HOOK3: variants seen among roughly 807,000 people sequenced by gnomAD.
HOOK3 encodes protein Hook homolog 3.
HOOK3 carries 24 observed loss-of-function variants against 116.3 expected under a neutral mutation model. The observed-to-expected ratio is 0.21, with a 90% CI of 0.15 to 0.29. HOOK3 has a LOEUF of 0.29. Ranked by LOEUF, HOOK3 falls within the 10% of genes least tolerant of loss-of-function variation. The pLI is 1.00. For missense variants in HOOK3, 632 were observed against 830.2 expected (o/e 0.76, Z 2.93); for synonymous variants, 275 against 283.0 (o/e 0.97, Z 0.28).
chr8:42,983,131 G>A (rs983198510), intron 14 of HOOK3, among the ~76,000 whole-genome samples: 13 of 152,138 alleles, frequency 8.5e-5, no homozygotes, highest in African/African-American at 3.1e-4. Flanking sequence ...TCAGGAGATC[G>A]AGACCATCCT....
intron 2 of HOOK3, among the ~76,000 whole-genome samples, chr8:42,915,077 A>G (rs1807505418): frequency 6.6e-6 from 1 of 152,204 alleles, no homozygotes; most frequent in African/African-American, 2.4e-5. Flanking sequence ...TTTTCCCTAG[A>G]TAAGGAGTTT....
chr8:43,006,383 C>T (rs1417985922), intron 17 of HOOK3, among the ~76,000 whole-genome samples: 2 of 151,876 alleles, frequency 1.3e-5, no homozygotes, highest in Admixed American at 6.6e-5. Flanking sequence ...GGCACAATCT[C>T]GGCTCACTGC....
intron 4 of HOOK3, among the ~76,000 whole-genome samples, chr8:42,940,585 C>T (rs887265032): frequency 1.3e-5 from 2 of 152,214 alleles, no homozygotes; most frequent in African/African-American, 4.8e-5. Flanking sequence ...CTCCCACTCT[C>T]TTCTGGCTTG....
chr8:42,961,546 G>A (rs1360601066), intron 8 of HOOK3, among the ~76,000 whole-genome samples: 4 of 152,138 alleles, frequency 2.6e-5, no homozygotes, highest in Non-Finnish European at 5.9e-5. Flanking sequence ...TTTATGGTAG[G>A]AAGGAATGAC....
intron 16 of HOOK3, chr8:43,001,128 A>T (rs1393653307): frequency 1.3e-5 from 2 of 151,996 alleles, no homozygotes; most frequent in Non-Finnish European, 2.9e-5. Flanking sequence ...ATTTTTTATA[A>T]AACAAAGGTA....
chr8:42,904,763 T>C (rs1807269794), intron 1 of HOOK3, among the ~76,000 whole-genome samples: 1 of 152,134 alleles, frequency 6.6e-6, no homozygotes, highest in Non-Finnish European at 1.5e-5. Flanking sequence ...CCGTTTTAAT[T>C]CTCCCCTGTT....
chr8:42,905,964 G>A lies in HOOK3; in HGVS notation c.58-209G>A, dbSNP rs1807298025. Among the ~76,000 whole-genome samples the A allele has an allele frequency of 2.0e-5, 3 of 151,768 alleles. No individual in the cohort carries two copies. The South Asian group carries it at 6.2e-4, about 32-fold the overall frequency. ...TAGCAGGGCGTGGTAGTGCGTTCCT[G>A]TAATCCCAGCTACTTGGGAGGCTGA... On this transcript the variant is annotated intron_variant, in intron 1 of 21. Coordinates refer to ENST00000307602, the MANE Select transcript of HOOK3 (RefSeq NM_032410.4).
At chr8:43,012,968 TA>T (rs1339676327) in intron 19 of HOOK3, 82 bp from the exon 20 acceptor site, 4 of 863,482 alleles carry the variant, frequency 4.6e-6, no homozygotes, top group Non-Finnish European at 7.1e-6. Context: ...CCTTTTATTT[TA>T]AAAAAATAGT....
chr8:42,982,271 G>A (rs866193934), intron 13 of HOOK3, among the ~76,000 whole-genome samples: 10,967 of 117,502 alleles, frequency 0.093, 564 homozygotes, highest in African/African-American at 0.17. Flanking sequence ...AAAAAAAAAA[G>A]AAAAAAAAAA....
chr8:42,997,912 A>T (rs1809310417), intron 16 of HOOK3: 1 of 325,920 alleles, frequency 3.1e-6, no homozygotes, highest in South Asian at 3.0e-5. Context: ...TGCTCAACTC[A>T]GTGTTCAAAG....
At position 43,023,704 on chromosome 8, in the gene HOOK3, G is replaced by A. The variant is rs181520844; in HGVS notation, c.*5206G>A. 33 of 181,808 alleles carry A rather than the reference G, an allele frequency of 1.8e-4. No individual in the cohort carries two copies. The South Asian group carries it at 2.0e-3, about 11-fold the overall frequency. 11.3% of individuals were successfully genotyped at this position (181,808 alleles called of 1,614,324 possible). A position where few individuals can be genotyped will look rare whatever the true frequency, so the allele number is the denominator to read the frequency against. ...TCTAACTCCTGACCTCAGGTGATCC[G>A]TCCACCTTGGCCTCCCAAAGTGCTG... is the stretch of plus-strand genomic sequence containing the variant. On this transcript the variant is annotated 3_prime_UTR_variant, in exon 22 of 22. Coordinates refer to ENST00000307602, the MANE Select transcript of HOOK3 (RefSeq NM_032410.4).
rs529780484 is a variant in HOOK3 at position 43,022,865 on chromosome 8, A to G, written c.*4367A>G. The G allele has an allele frequency of 5.8e-6, 1 of 171,764 alleles. No homozygotes were observed. Among genetic ancestry groups the G allele is most frequent in the South Asian group, 2.0e-4 (1 of 4,992 alleles). 10.6% of individuals were successfully genotyped at this position (171,764 alleles called of 1,614,324 possible). Reference sequence around the variant, plus strand: ...TTGTTGAGGTTTTATTGTTAATATAATAAAAGCTCAACTGTACAAAATTAA... The same window carrying G: ...TTGTTGAGGTTTTATTGTTAATATAGTAAAAGCTCAACTGTACAAAATTAA... On this transcript the variant is annotated 3_prime_UTR_variant, in exon 22 of 22. Transcript: ENST00000307602.
chr8:42,914,945 A>G (rs1032256446), intron 2 of HOOK3, among the ~76,000 whole-genome samples: 2 of 152,172 alleles, frequency 1.3e-5, no homozygotes, highest in African/African-American at 4.8e-5. Context: ...GGGAACCTGA[A>G]ACCCCATCAT....
At chr8:42,975,980 C>T (rs1003667488) in intron 13 of HOOK3, among the ~76,000 whole-genome samples, 1 of 152,072 alleles carries the variant, frequency 6.6e-6, no homozygotes, top group African/African-American at 2.4e-5. Flanking sequence ...GCTGAGATTA[C>T]AGGCGTGAGC....
chr8:42,909,500 G>A (rs1213829309), intron 2 of HOOK3, among the ~76,000 whole-genome samples: 1 of 152,206 alleles, frequency 6.6e-6, no homozygotes, highest in Non-Finnish European at 1.5e-5. Context: ...GTCTCACTCT[G>A]TCACTCAGGC....
At chr8:42,897,288 G>C in intron 1 of HOOK3, 100 bp downstream of exon 1, 1 of 810,350 alleles carries the variant, frequency 1.2e-6, no homozygotes, top group Middle Eastern at 3.7e-4. Context: ...GGGCGACGGT[G>C]CCGTCACATC....
In HOOK3 at chr8:42,989,121, A is replaced by G. The variant is rs573454301; in HGVS notation, c.1532+2326A>G. On this transcript the variant is annotated intron_variant, in intron 15 of 21. Coordinates refer to ENST00000307602, the MANE Select transcript of HOOK3 (RefSeq NM_032410.4). ...TGTAATACCTGCCAATCCTCAAACA[A>G]TATTAGAAGAGGGTGGAGGGTTGAG... Among the ~76,000 whole-genome samples the G allele has an allele frequency of 1.0e-3, 152 of 152,316 alleles. 1 individual carries two copies. Among genetic ancestry groups the G allele is most frequent in the Non-Finnish European group, 8.2e-4 (56 of 68,016 alleles).
rs111654740 is a variant in HOOK3, at chr8:42,973,468, G to A, written c.1233+69G>A. 802 of 939,578 alleles carry A rather than the reference G, an allele frequency of 8.5e-4. 9 individuals are homozygous for A. The African/African-American group carries it at 0.012, about 14-fold the overall frequency. 58.2% of individuals were successfully genotyped at this position (939,578 alleles called of 1,614,324 possible). On this transcript the variant is annotated intron_variant, in intron 12 of 21. Coordinates refer to ENST00000307602, the MANE Select transcript of HOOK3 (RefSeq NM_032410.4). ...ATTAAGGCGATTATGTTTAATTCAT[G>A]TTTGGCCACATTCATTTAAGTTATG...
intron 17 of HOOK3, among the ~76,000 whole-genome samples, chr8:43,003,224 C>T (rs920660120): frequency 5.9e-5 from 9 of 152,118 alleles, no homozygotes; most frequent in Admixed American, 2.0e-4. Context: ...TACTAGGATG[C>T]GAAAGAAATT....
Sources: gnomAD v4.1 joint callset for allele counts (sites outside exome capture counted in the v4.1 genomes callset) on GRCh38, gnomAD v4.1.1 for gene constraint, MANE v1.5 for transcripts, NCBI Gene and HGNC (gene_info 2026-07-23, HGNC 2026-07-21) for gene names.